Variants in FBXO41 observed in about 807,000 individuals in gnomAD.
The protein encoded by FBXO41 is F-box protein 41, also known as F-box only protein 41.
Under a neutral mutation model 81.6 loss-of-function variants are expected in FBXO41, and 33 were observed. The observed-to-expected ratio is 0.40, with a 90% CI of 0.31 to 0.54. The LOEUF is 0.54. Ranked by LOEUF, FBXO41 falls within the 20% of genes least tolerant of loss-of-function variation. FBXO41 has a pLI of 0.39. For missense variants in FBXO41, 1,107 were observed against 1,236.0 expected (o/e 0.90, Z 1.56); for synonymous variants, 576 against 552.7 (o/e 1.04, Z -0.59).
intron 6 of FBXO41, 99 bp from the exon 7 acceptor site, chr2:73,264,152 C>T: frequency 6.4e-7 from 1 of 1,554,868 alleles, no homozygotes; most frequent in Non-Finnish European, 8.7e-7. Context: ...GAGAGCATTT[C>T]AGGGAAGCCA....
intron 1 of FBXO41, among the ~76,000 whole-genome samples, chr2:73,274,820 C>T (rs1267484002): frequency 6.6e-6 from 1 of 152,112 alleles, no homozygotes; most frequent in Non-Finnish European, 1.5e-5. Flanking sequence ...CCCACCTCAA[C>T]CTCCCAAAGT....
At chr2:73,276,091 T>A (rs1437017932) in intron 1 of FBXO41, among the ~76,000 whole-genome samples, 3 of 150,518 alleles carry the variant, frequency 2.0e-5, no homozygotes, top group Non-Finnish European at 4.4e-5. Context: ...TGGCCAAGAT[T>A]TAACTTTCTT....
At position 73,257,861 on chromosome 2, in the gene FBXO41, G is replaced by A. The variant is rs1031609708; in HGVS notation, c.*1121C>T. 1 of 152,264 alleles carries A rather than the reference G, an allele frequency of 6.6e-6. No individual in the cohort carries two copies. Among genetic ancestry groups the A allele is most frequent in the African/African-American group, 2.4e-5 (1 of 41,454 alleles). The allele number at this position is 152,264 out of a possible 1,614,324, so 9.4% of individuals were successfully genotyped here. On this transcript the variant is annotated 3_prime_UTR_variant, in exon 13 of 13. Transcript: ENST00000520530. The surrounding 1 kb of genome is among the most constrained non-coding windows in gnomAD (Gnocchi z 4.6). ...CACGGGGCCCGTGGAGACCAAGGAA[G>A]GGGGAGTGAGTCTATTGAGGATGCT...
chr2:73,263,097 T>C, intron 9 of FBXO41, 116 bp downstream of exon 9: 4 of 772,680 alleles, frequency 5.2e-6, no homozygotes, highest in South Asian at 1.8e-5. Context: ...GACAGATTAA[T>C]GTGTGTGGAT....
rs1558592644 is a variant in FBXO41 at position 73,276,596 on chromosome 2, GA to G, written c.-138-6829del. On this transcript the variant is annotated intron_variant, in intron 1 of 12. Transcript: ENST00000520530. Reference sequence around the variant, plus strand: ...AGAGAGAGAGAGAGAGAGAGAGAGAGAGAGAGAGGGAGAGAGGGAGAGAGGG... The same window carrying G: ...AGAGAGAGAGAGAGAGAGAGAGAGAGGAGAGAGGGAGAGAGGGAGAGAGGG... Among the ~76,000 whole-genome samples, 4 of 112,396 alleles carry G rather than the reference GA, an allele frequency of 3.6e-5. No homozygotes were observed. The East Asian group carries it at 1.9e-3, about 54-fold the overall frequency. 73.7% of individuals were successfully genotyped at this position (112,396 alleles called of 152,430 possible).
chr2:73,259,321 G>A lies in FBXO41; in HGVS notation c.2450-25C>T. On this transcript the variant is annotated intron_variant, in intron 11 of 12. Coordinates refer to ENST00000520530, the MANE Select transcript of FBXO41 (RefSeq NM_001371389.2). This position sits in a 1 kb window ranked among gnomAD's most constrained non-coding sequence, Gnocchi z 4.2. ...CCTGAGAAAAGGTGAGCAAAGTAGG[G>A]GCGTGTTTGGCCTGGGCTGTGGAGC... 1 of 1,598,770 alleles carries A rather than the reference G, an allele frequency of 6.3e-7. No individual in the cohort carries two copies. Among genetic ancestry groups the A allele is most frequent in the Non-Finnish European group, 8.6e-7 (1 of 1,166,158 alleles).
Position 73,263,322 on chromosome 2 carries a change from A to G in FBXO41, c.2076-14T>C. 1 of 1,501,870 alleles carries G rather than the reference A, an allele frequency of 6.7e-7. No individual in the cohort carries two copies. 93.0% of individuals were successfully genotyped at this position (1,501,870 alleles called of 1,614,324 possible). A position where few individuals can be genotyped will look rare whatever the true frequency, so the allele number is the denominator to read the frequency against. ...TCTGTGGCACTCCTGTGAAAAGACA[A>G]AGCTGCTAGTCAGGCAGCAGGGTGG... On this transcript the variant is annotated splice_polypyrimidine_tract_variant and intron_variant, in intron 8 of 12. Transcript: ENST00000520530.
At chr2:73,279,866 G>A (rs1688797149) in intron 1 of FBXO41, among the ~76,000 whole-genome samples, 1 of 152,122 alleles carries the variant, frequency 6.6e-6, no homozygotes, top group Admixed American at 6.5e-5. Context: ...CAGGCCCGAG[G>A]CACGAATAAT....
At chr2:73,264,194 G>C in intron 6 of FBXO41, 84 bp downstream of exon 6, 2 of 1,595,532 alleles carry the variant, frequency 1.3e-6, no homozygotes, top group Non-Finnish European at 8.6e-7. Flanking sequence ...AGGGTTGCAA[G>C]GACCAGACCT....
Position 73,260,801 on chromosome 2 carries a change from G to T in FBXO41, c.2229C>A (p.Pro743=). The T allele has an allele frequency of 6.4e-7, 1 of 1,568,784 alleles. No individual in the cohort carries two copies. The highest frequency in any genetic ancestry group is 8.7e-7 in the Non-Finnish European group (1 of 1,155,662). Residue 743 remains proline (P), a synonymous_variant, in exon 10 of 13, where the codon CCC becomes CCA. Coordinates refer to ENST00000520530, the MANE Select transcript of FBXO41 (RefSeq NM_001371389.2). This position sits in a 1 kb window ranked among gnomAD's most constrained non-coding sequence, Gnocchi z 5.0. Reference sequence around the variant, plus strand: ...CCCCGACCCCCAGGGCCCGCAGGTGGGGCCAACAGCGACCAATCATCTGCA... The same window carrying T: ...CCCCGACCCCCAGGGCCCGCAGGTGTGGCCAACAGCGACCAATCATCTGCA... ...RCLQMIGRCW[P]HLRALGVGGA...
Position 73,269,524 on chromosome 2 carries a change from T to C in FBXO41, c.107A>G (p.Glu36Gly), listed in dbSNP as rs1310051763. Reference protein sequence around the residue: ...RAHLEYSHTYETLYILSKTNS... With the variant: ...RAHLEYSHTYGTLYILSKTNS... ...GGTCTTGGAGAGGATGTAGAGCGTC[T>C]CGTAGGTGTGGCTGTACTCCAGGTG... The change falls in exon 2 of 13, where the codon GAG (glutamate) becomes GGG (glycine). Residue 36 changes from glutamate to glycine, a missense_variant. Coordinates refer to ENST00000520530, the MANE Select transcript of FBXO41 (RefSeq NM_001371389.2). The surrounding 1 kb of genome is among the most constrained non-coding windows in gnomAD (Gnocchi z 7.0). The C allele has an allele frequency of 1.5e-6, 2 of 1,370,478 alleles. No individual in the cohort carries two copies. Among genetic ancestry groups the C allele is most frequent in the African/African-American group, 1.5e-5 (1 of 65,142 alleles). The allele number at this position is 1,370,478 out of a possible 1,614,324, so 84.9% of individuals were successfully genotyped here. A position where few individuals can be genotyped will look rare whatever the true frequency, so the allele number is the denominator to read the frequency against.
chr2:73,271,623 T>TCCCCCCCCCCC (rs33963024), intron 1 of FBXO41: 1 of 107,640 alleles, frequency 9.3e-6, no homozygotes, highest in African/African-American at 3.6e-5. Flanking sequence ...AATTCTGCAC[T>TCCCCCCCCCCC]CCCCCCCCCC....
At chr2:73,271,554 AAC>A (rs1658378620) in intron 1 of FBXO41, 1 of 152,300 alleles carries the variant, frequency 6.6e-6, no homozygotes, top group African/African-American at 2.4e-5. Flanking sequence ...TAGATGGAGA[AAC>A]ACATTCCTCA....
In FBXO41 at chr2:73,268,890, TTCGGCCGCCTTGCGCTCCAGC is replaced by T. The variant is rs747382947; in HGVS notation, c.720_740del (p.Arg243_Glu249del). ...CACTCTCCTGCCGCGCAGTCTCCAG[TTCGGCCGCCTTGCGCTCCAGC>T]TCGGCCTGCAGCCGGCCCACCTGGC... is the stretch of plus-strand genomic sequence containing the variant. On this transcript the variant is annotated inframe_deletion, in exon 2 of 13. Transcript: ENST00000520530. The T allele has an allele frequency of 6.4e-7, 1 of 1,553,486 alleles. No individual in the cohort carries two copies. The highest frequency in any genetic ancestry group is 1.4e-5 in the African/African-American group (1 of 73,266).
intron 1 of FBXO41, among the ~76,000 whole-genome samples, chr2:73,276,251 A>C (rs1284095399): frequency 6.6e-6 from 1 of 151,416 alleles, no homozygotes; most frequent in Non-Finnish European, 1.5e-5. Flanking sequence ...CTCTACTAAA[A>C]ATACAAAAAT....
In FBXO41 at chr2:73,269,411, G is replaced by A. The variant is rs1374617578; in HGVS notation, c.220C>T (p.Leu74=). 1 of 1,436,278 alleles carries A rather than the reference G, an allele frequency of 7.0e-7. No homozygotes were observed. Among genetic ancestry groups the A allele is most frequent in the Non-Finnish European group, 9.1e-7 (1 of 1,099,408 alleles). 89.0% of individuals were successfully genotyped at this position (1,436,278 alleles called of 1,614,324 possible). The change falls in exon 2 of 13, where the codon CTG becomes TTG. Residue 74 remains leucine, a synonymous_variant. Coordinates refer to ENST00000520530, the MANE Select transcript of FBXO41 (RefSeq NM_001371389.2). The surrounding 1 kb of genome is among the most constrained non-coding windows in gnomAD (Gnocchi z 7.0). The part of the protein sequence containing the change: ...FPLAPEPAAL[L]AVPGARREVF... Reference sequence around the variant, plus strand: ...TCTCGCCGGGCGCCGGGCACGGCCAGCAGGGCGGCGGGCTCGGGAGCCAGC... The same window carrying A: ...TCTCGCCGGGCGCCGGGCACGGCCAACAGGGCGGCGGGCTCGGGAGCCAGC...
chr2:73,271,328 GA>G (rs767710485), intron 1 of FBXO41: 28 of 229,864 alleles, frequency 1.2e-4, no homozygotes, highest in Non-Finnish European at 2.0e-4. Context: ...TGGTCTTGGG[GA>G]TATGACATAG....
intron 1 of FBXO41, among the ~76,000 whole-genome samples, chr2:73,283,935 G>T (rs956824439): frequency 6.6e-6 from 1 of 152,132 alleles, no homozygotes; most frequent in Non-Finnish European, 1.5e-5. Context: ...CAGGCGAGAG[G>T]GGGGAGGGGA....
rs10197947 is a variant in FBXO41 at position 73,269,819 on chromosome 2, T to C, written c.-138-51A>G. ...GAAGAGGGTATCGCTGCTCCCACCCTGGCTCCCAGCCCGGAGCCCTCATCC... is the reference window on the plus strand; with the variant it reads ...GAAGAGGGTATCGCTGCTCCCACCCCGGCTCCCAGCCCGGAGCCCTCATCC... On this transcript the variant is annotated intron_variant, in intron 1 of 12. Transcript: ENST00000520530. The surrounding 1 kb of genome is among the most constrained non-coding windows in gnomAD (Gnocchi z 7.0). 2.1e-3 allele frequency: 490 copies of C among 228,052 alleles called. 6 individuals carry two copies. The highest frequency in any genetic ancestry group is 0.011 in the African/African-American group (458 of 43,148). 14.1% of individuals were successfully genotyped at this position (228,052 alleles called of 1,614,324 possible).
Sources: gnomAD v4.1 joint callset for allele counts (sites outside exome capture counted in the v4.1 genomes callset) on GRCh38, gnomAD v4.1.1 for gene constraint, Gnocchi (gnomAD v3.1) non-coding constraint, MANE v1.5 for transcripts, NCBI Gene and HGNC (gene_info 2026-07-23, HGNC 2026-07-21) for gene names.